Variants in DYNLT5 observed in about 807,000 individuals in gnomAD.
DYNLT5 encodes the protein dynein light chain Tctex-type 5.
DYNLT5 carries 25 observed loss-of-function variants against 19.3 expected under a neutral mutation model. The observed-to-expected ratio is 1.30, with a 90% CI of 0.95 to 1.81. DYNLT5 has a LOEUF of 1.81. Among genes scored for constraint, DYNLT5 ranks in the 40% most tolerant of loss-of-function variants. DYNLT5 has a pLI of 0.00. For missense variants in DYNLT5, 232 were observed against 217.9 expected, an observed-to-expected ratio of 1.06 and a Z score of -0.41; for synonymous variants, 82 against 68.9, an observed-to-expected ratio of 1.19 and a Z score of -0.94.
In DYNLT5 at chr1:66,752,521, G is replaced by A. The variant is rs1054974479; in HGVS notation, c.-67G>A. On this transcript the variant is annotated 5_prime_UTR_variant, in exon 1 of 5. Coordinates refer to ENST00000282670, the MANE Select transcript of DYNLT5 (RefSeq NM_152665.3). The stretch of plus-strand genomic sequence containing the variant: ...ATGAAGCCTGGGACGCGGGAGCCGC[G>A]CCGCGCGCAGTGTCTGCAGTGCCGG... 92 of 985,596 alleles carry A rather than the reference G, an allele frequency of 9.3e-5. No individual in the cohort carries two copies. In the African/African-American group the frequency reaches 1.5e-3, roughly 16 times the overall value. 61.1% of individuals were successfully genotyped at this position (985,596 alleles called of 1,614,324 possible).
intron 2 of DYNLT5, among the ~76,000 whole-genome samples, chr1:66,765,701 T>C (rs935526942): frequency 3.3e-5 from 5 of 151,594 alleles, no homozygotes; most frequent in Admixed American, 1.3e-4. Flanking sequence ...AGTGGCGTGA[T>C]CTCGGCTAAC....
intron 2 of DYNLT5, among the ~76,000 whole-genome samples, chr1:66,759,382 C>T (rs1484018178): frequency 6.6e-6 from 1 of 151,988 alleles, no homozygotes; most frequent in Non-Finnish European, 1.5e-5. Context: ...GAAAGAAGAT[C>T]CCAAAATGAA....
At chr1:66,756,979 G>T (rs2094637093) in intron 2 of DYNLT5, among the ~76,000 whole-genome samples, 1 of 152,126 alleles carries the variant, frequency 6.6e-6, no homozygotes, top group African/African-American at 2.4e-5. Context: ...CACCTTTTTG[G>T]GAAGTGCTCT....
At chr1:66,760,963 T>C (rs144297624) in intron 2 of DYNLT5, among the ~76,000 whole-genome samples, 53 of 152,366 alleles carry the variant, frequency 3.5e-4, no homozygotes, top group Middle Eastern at 6.8e-3. Context: ...TTTCACAGGT[T>C]GCATGGTTCA....
At position 66,777,564 on chromosome 1, in the gene DYNLT5, T is replaced by G. The variant is rs971885011; in HGVS notation, c.*110T>G. ...TTTGAGAAAGAAACAACACTGATAT[T>G]TCAAGCAACTGGAAGCTTTTGAATT... On this transcript the variant is annotated 3_prime_UTR_variant, in exon 5 of 5. Transcript: ENST00000282670. The G allele has an allele frequency of 3.4e-6, 3 of 894,012 alleles. No individual in the cohort carries two copies. The highest frequency in any genetic ancestry group is 3.3e-6 in the Non-Finnish European group (2 of 609,702). The allele number at this position is 894,012 out of a possible 1,614,324, so 55.4% of individuals were successfully genotyped here.
intron 2 of DYNLT5, among the ~76,000 whole-genome samples, chr1:66,767,465 C>T (rs1362533888): frequency 6.6e-6 from 1 of 152,048 alleles, no homozygotes; most frequent in Non-Finnish European, 1.5e-5. Flanking sequence ...GCCATGTTAC[C>T]TAGGCTGGTC....
chr1:66,761,326 C>T (rs944343245), intron 2 of DYNLT5, among the ~76,000 whole-genome samples: 4 of 152,160 alleles, frequency 2.6e-5, no homozygotes, highest in Non-Finnish European at 4.4e-5. Flanking sequence ...AATGTACATA[C>T]CTTAGTATAA....
At position 66,755,125 on chromosome 1, in the gene DYNLT5, A is replaced by C. The variant is rs1469772065; in HGVS notation, c.119+348A>C. Among the ~76,000 whole-genome samples, 4 of 152,334 alleles carry C rather than the reference A, an allele frequency of 2.6e-5. No homozygotes were observed. In the East Asian group the frequency reaches 7.7e-4, roughly 29 times the overall value. ...TTGCATTTTTGTAATCAATACATAC[A>C]TATACAATGTACTTAACATTATTGT... On this transcript the variant is annotated intron_variant, in intron 2 of 4. Coordinates refer to ENST00000282670, the MANE Select transcript of DYNLT5 (RefSeq NM_152665.3).
In DYNLT5 at chr1:66,770,615, A is replaced by T. The variant is rs775806963; in HGVS notation, c.211+137A>T. The T allele has an allele frequency of 6.5e-6, 5 of 773,518 alleles. No individual in the cohort carries two copies. The South Asian group carries it at 7.0e-5, about 11-fold the overall frequency. 47.9% of individuals were successfully genotyped at this position (773,518 alleles called of 1,614,324 possible). Reference sequence around the variant, plus strand: ...GGACTTTAATGAATTGAGTGATTTGATGTTGCTTTAGTTTCTTCCTCAGCA... The same window carrying T: ...GGACTTTAATGAATTGAGTGATTTGTTGTTGCTTTAGTTTCTTCCTCAGCA... On this transcript the variant is annotated intron_variant, in intron 3 of 4. Transcript: ENST00000282670.
At chr1:66,761,826 G>A (rs1322777337) in intron 2 of DYNLT5, among the ~76,000 whole-genome samples, 1 of 152,134 alleles carries the variant, frequency 6.6e-6, no homozygotes, top group African/African-American at 2.4e-5. Context: ...AAATTTTAAA[G>A]CTTGCCACAT....
At chr1:66,756,789 C>G (rs1465635758) in intron 2 of DYNLT5, among the ~76,000 whole-genome samples, 1 of 152,174 alleles carries the variant, frequency 6.6e-6, no homozygotes, top group African/African-American at 2.4e-5. Flanking sequence ...TCTTCCCCAC[C>G]ATCTTGCGGG....
chr1:66,753,734 A>G (rs1445687685), intron 1 of DYNLT5, among the ~76,000 whole-genome samples: 1 of 151,586 alleles, frequency 6.6e-6, no homozygotes, highest in East Asian at 1.9e-4. Flanking sequence ...GGATCACTTA[A>G]GGCCAGGAGA....
intron 1 of DYNLT5, 149 bp downstream of exon 1, chr1:66,752,733 C>A: frequency 2.2e-6 from 1 of 457,078 alleles, no homozygotes; most frequent in Non-Finnish European, 2.9e-6. Context: ...AAAAAATGAT[C>A]CCAAATTTGG....
chr1:66,770,572 A>C, intron 3 of DYNLT5, 94 bp downstream of exon 3: 1 of 960,088 alleles, frequency 1.0e-6, no homozygotes, highest in Non-Finnish European at 1.7e-6. Flanking sequence ...ATTGTCTTCA[A>C]TTCTAGCACA....
chr1:66,776,247 T>A (rs1645233712), intron 3 of DYNLT5, 32 bp from the exon 4 acceptor site: 2 of 1,607,454 alleles, frequency 1.2e-6, no homozygotes, highest in South Asian at 2.2e-5. Flanking sequence ...TTGAAATTAC[T>A]TTTTAGAAAT....
chr1:66,756,571 C>T (rs2094636371), intron 2 of DYNLT5, among the ~76,000 whole-genome samples: 1 of 152,112 alleles, frequency 6.6e-6, no homozygotes, highest in Non-Finnish European at 1.5e-5. Context: ...TAATGTAAAA[C>T]ATTCTGAAGT....
chr1:66,765,460 G>A, intron 2 of DYNLT5, among the ~76,000 whole-genome samples: 1 of 152,030 alleles, frequency 6.6e-6, no homozygotes, highest in Non-Finnish European at 1.5e-5. Flanking sequence ...ATGCTATTGT[G>A]GCTGATGAGA....
At chr1:66,772,838 C>T (rs549788173) in intron 3 of DYNLT5, among the ~76,000 whole-genome samples, 216 of 152,204 alleles carry the variant, frequency 1.4e-3, no homozygotes, top group African/African-American at 5.1e-3. Flanking sequence ...TCATTAATTA[C>T]TAAAACAAAT....
At chr1:66,763,982 C>G (rs773939574) in intron 2 of DYNLT5, among the ~76,000 whole-genome samples, 2 of 151,914 alleles carry the variant, frequency 1.3e-5, no homozygotes, top group Admixed American at 6.6e-5. Flanking sequence ...TTCAAGAGTT[C>G]GAGACCAGCC....
Sources: gnomAD v4.1 joint callset for allele counts (sites outside exome capture counted in the v4.1 genomes callset) on GRCh38, gnomAD v4.1.1 for gene constraint, MANE v1.5 for transcripts, NCBI Gene and HGNC (gene_info 2026-07-23, HGNC 2026-07-21) for gene names.